BRF1: variants seen among roughly 807,000 people sequenced by gnomAD.
BRF1 encodes transcription factor IIIB 90 kDa subunit.
In BRF1, 59 loss-of-function variants were observed where a neutral mutation model predicts 81.7. The observed-to-expected ratio is 0.72, with a 90% CI of 0.59 to 0.90. BRF1 has a LOEUF of 0.90. BRF1 is among the 40% of genes least tolerant of loss of function. BRF1 has a pLI of 0.00. For missense variants in BRF1, 1,050 were observed against 936.3 expected, an observed-to-expected ratio of 1.12 and a Z score of -1.58; for synonymous variants, 491 against 395.6, an observed-to-expected ratio of 1.24 and a Z score of -2.86.
intron 4 of BRF1, among the ~76,000 whole-genome samples, chr14:105,252,982 G>T (rs2055692242): frequency 6.6e-6 from 1 of 152,224 alleles, no homozygotes; most frequent in Non-Finnish European, 1.5e-5. Flanking sequence ...CAGGGGTCTT[G>T]GCCTCAGCCC....
At chr14:105,253,270 G>A (rs2055704726) in intron 4 of BRF1, among the ~76,000 whole-genome samples, 1 of 152,216 alleles carries the variant, frequency 6.6e-6, no homozygotes, top group Admixed American at 6.5e-5. Flanking sequence ...CCTGCTGGCT[G>A]GGGGAGGACA....
In BRF1 at chr14:105,247,064, C is replaced by G. The variant is rs114264725; in HGVS notation, c.544+5443G>C. The stretch of plus-strand genomic sequence containing the variant: ...TATTTCTCCTGGAAACTGCTTATGC[C>G]CGTTACCTTTTTCTATGGAAACAGA... On this transcript the variant is annotated intron_variant, in intron 5 of 17. Coordinates refer to ENST00000547530, the MANE Select transcript of BRF1 (RefSeq NM_001519.4). 510 of 985,432 alleles carry G rather than the reference C, an allele frequency of 5.2e-4. 1 individual carries two copies. In the African/African-American group the frequency reaches 7.9e-3, roughly 15 times the overall value. The allele number at this position is 985,432 out of a possible 1,614,324, so 61.0% of individuals were successfully genotyped here.
At position 105,217,742 on chromosome 14, in the gene BRF1, A is replaced by G. The variant is rs1891568683; in HGVS notation, c.1574T>C (p.Ile525Thr). ...PIQASTAREA[I>T]EKMLEQKKIS... ...CTTCTTCTGCTCCAGCATCTTCTCG[A>G]TGGCCTCCCTGGCGGTACTGGCCTG... is the stretch of plus-strand genomic sequence containing the variant. The change falls in exon 15 of 18, where the codon ATC becomes ACC. Residue 525 changes from isoleucine to threonine, a missense_variant. By Grantham distance (89) the Ile-to-Thr change is moderately conservative. Transcript: ENST00000547530. 6.2e-7 allele frequency: 1 copy of G among 1,613,372 alleles called. No individual in the cohort carries two copies.
At chr14:105,293,771 C>T (rs1213643623) in intron 1 of BRF1, among the ~76,000 whole-genome samples, 5 of 152,320 alleles carry the variant, frequency 3.3e-5, no homozygotes, top group African/African-American at 9.6e-5. Flanking sequence ...TGGTTTCCCC[C>T]GTGGGGCCTG....
At chr14:105,270,278 A>G (rs1259073012) in intron 3 of BRF1, among the ~76,000 whole-genome samples, 16 of 148,384 alleles carry the variant, frequency 1.1e-4, no homozygotes, top group Admixed American at 1.0e-3. Context: ...GGTTCCCGCC[A>G]TTCTCCTGCC....
intron 5 of BRF1, chr14:105,248,823 G>A (rs1239384279): frequency 3.0e-5 from 30 of 987,006 alleles, no homozygotes; most frequent in Non-Finnish European, 3.1e-5. Context: ...GGCGCGGGGC[G>A]CGGCGTCCAC....
intron 1 of BRF1, among the ~76,000 whole-genome samples, chr14:105,308,481 CTTTTT>C (rs1227708197): frequency 8.0e-6 from 1 of 124,578 alleles, no homozygotes; most frequent in African/African-American, 3.2e-5. Flanking sequence ...CAGATTCTGT[CTTTTT>C]TTTTTTTTTT....
rs770509208 is a variant in BRF1, at chr14:105,221,895, C to T, written c.1068G>A (p.Ala356=). The T allele has an allele frequency of 1.1e-5, 18 of 1,597,312 alleles. No homozygotes were observed. Among genetic ancestry groups the T allele is most frequent in the East Asian group, 6.8e-5 (3 of 44,250 alleles). Residue 356 remains alanine, a synonymous_variant, in exon 11 of 18, where the codon GCG becomes GCA. Coordinates refer to ENST00000547530, the MANE Select transcript of BRF1 (RefSeq NM_001519.4). The part of the protein sequence containing the change: ...LAKDGSTEDT[A]SSLCGEEDTE... The stretch of plus-strand genomic sequence containing the variant: ...TGTCCTCCTCGCCACACAAGCTGGA[C>T]GCGGTGTCCTCGGTGGAGCCTAGGT...
chr14:105,311,741 G>A (rs1039791785), intron 1 of BRF1, among the ~76,000 whole-genome samples: 3 of 152,198 alleles, frequency 2.0e-5, no homozygotes, highest in Non-Finnish European at 4.4e-5. Flanking sequence ...CGGGTGCAGC[G>A]ATCTCAGCGG....
rs199670324 is a variant in BRF1 at position 105,226,810 on chromosome 14, C to G, written c.789-50G>C. 7.1e-5 allele frequency: 115 copies of G among 1,611,106 alleles called. 1 individual carries two copies. Among genetic ancestry groups the G allele is most frequent in the South Asian group, 4.7e-4 (43 of 91,032 alleles). On this transcript the variant is annotated intron_variant, in intron 7 of 17. Transcript: ENST00000547530. ...ATGGAGCTGGTGGCTCTGAAACCAG[C>G]TGTTTAAAACTGAGCTTTCGCCTGG...
At chr14:105,216,877 C>T (rs1247246380) in intron 15 of BRF1, among the ~76,000 whole-genome samples, 2 of 152,206 alleles carry the variant, frequency 1.3e-5, no homozygotes, top group Non-Finnish European at 2.9e-5. Context: ...AAGCCGCCAA[C>T]CCCATCTCCA....
chr14:105,241,745 C>T (rs1332255982), intron 5 of BRF1: 4 of 372,142 alleles, frequency 1.1e-5, no homozygotes, highest in African/African-American at 6.1e-5. Flanking sequence ...GCAGACAGCA[C>T]CACACGCAAC....
At position 105,221,791 on chromosome 14, in the gene BRF1, C is replaced by T. The variant is rs756277480; in HGVS notation, c.1172G>A (p.Gly391Asp). The change falls in exon 11 of 18, where the codon GGC becomes GAC. Residue 391 changes from glycine (G) to aspartate (D), a missense_variant. By Grantham distance (94) the Gly-to-Asp change is moderately conservative. Transcript: ENST00000547530. Reference sequence around the variant, plus strand: ...GGGGCTTCCTGCTGCTTCCGAGCTGCCGGGGGCACCACCAAGGAGCTCCCG... The same window carrying T: ...GGGGCTTCCTGCTGCTTCCGAGCTGTCGGGGGCACCACCAAGGAGCTCCCG... ...LYRELLGGAP[G>D]SSEAAGSPEW... 2.5e-6 allele frequency: 4 copies of T among 1,611,802 alleles called. No individual in the cohort carries two copies. The highest frequency in any genetic ancestry group is 1.1e-5 in the South Asian group (1 of 90,984).
intron 3 of BRF1, among the ~76,000 whole-genome samples, chr14:105,267,593 G>A (rs935590640): frequency 6.6e-6 from 1 of 152,128 alleles, no homozygotes; most frequent in African/African-American, 2.4e-5. Context: ...ATTTACAGGC[G>A]TGAGCCACTG....
chr14:105,249,624 G>A, intron 5 of BRF1: 2 of 1,597,602 alleles, frequency 1.3e-6, no homozygotes, highest in South Asian at 1.1e-5. Flanking sequence ...CCTGACGCGG[G>A]CCCTGCCTCG....
chr14:105,256,404 G>A (rs1450346007), intron 4 of BRF1, 114 bp downstream of exon 4: 1 of 1,610,842 alleles, frequency 6.2e-7, no homozygotes, highest in Non-Finnish European at 8.5e-7. Context: ...AGGCAGCACA[G>A]ACCGGCCACT....
intron 5 of BRF1, chr14:105,250,851 T>C (rs1345724192): frequency 1.8e-5 from 12 of 684,342 alleles, no homozygotes; most frequent in Admixed American, 1.2e-4. Flanking sequence ...ATTGGAGTCT[T>C]AGGCATCTCT....
In BRF1 at chr14:105,209,894, C is replaced by A. The variant is rs953062530; in HGVS notation, c.*657G>T. On this transcript the variant is annotated 3_prime_UTR_variant, in exon 18 of 18. Transcript: ENST00000547530. ...GGTCTGACCCCCATGCTGCTCCAGG[C>A]GGTGCAGGCAGCGGGGAGGGGGGTC... 6 of 389,864 alleles carry A rather than the reference C, an allele frequency of 1.5e-5. No individual in the cohort carries two copies. Among genetic ancestry groups the A allele is most frequent in the Non-Finnish European group, 2.7e-5 (6 of 220,618 alleles). 24.2% of individuals were successfully genotyped at this position (389,864 alleles called of 1,614,324 possible).
chr14:105,242,989 G>A (rs898599631), intron 5 of BRF1, among the ~76,000 whole-genome samples: 8 of 151,800 alleles, frequency 5.3e-5, no homozygotes, highest in Admixed American at 3.3e-4. Flanking sequence ...GGTGGTGCAC[G>A]CCTGTAATCC....
Sources: allele counts gnomAD v4.1 joint callset (sites outside exome capture counted in the v4.1 genomes callset), GRCh38; gene constraint gnomAD v4.1.1; transcripts MANE v1.5; gene names NCBI Gene and HGNC (gene_info 2026-07-23, HGNC 2026-07-21).